Variants in ARL9 observed in about 807,000 individuals in gnomAD.
ARL9 encodes the protein ADP-ribosylation factor-like protein 9.
A neutral mutation model predicts 27.0 loss-of-function variants in ARL9; 14 were observed. The ratio of observed to expected loss-of-function variants is 0.52; its 90% CI spans 0.34 to 0.81. The LOEUF (loss-of-function observed/expected upper bound fraction) is 0.81. Among genes scored for constraint, ARL9 ranks in the 30% least tolerant of loss-of-function variants. The probability of loss-of-function intolerance (pLI) is 0.01; values close to 1 mark genes in which losing one functional copy is unlikely to be tolerated. For synonymous variants in ARL9, 106 were observed against 108.7 expected (o/e 0.98, Z 0.15); for missense variants, 294 against 290.0 (o/e 1.01, Z -0.10).
At chr4:56,520,648 G>A (rs1721892587) in intron 3 of ARL9, among the ~76,000 whole-genome samples, 1 of 151,902 alleles carries the variant, frequency 6.6e-6, no homozygotes, top group Non-Finnish European at 1.5e-5. Flanking sequence ...AATGGTTAAG[G>A]AGAAAAATTT....
In ARL9 at chr4:56,509,547, T is replaced by A. The variant is rs60152691; in HGVS notation, c.280-1638T>A. On this transcript the variant is annotated intron_variant, in intron 1 of 3. Coordinates refer to ENST00000640821, the MANE Select transcript of ARL9 (RefSeq NM_001363794.2). ...ACTTCAAGTTCATCAGTTTAGTTTT[T>A]TTTTTGAGACGTTGTCTTGCTCTGT... Among the ~76,000 whole-genome samples the A allele has an allele frequency of 2.2e-3, 335 of 151,888 alleles. 2 individuals carry two copies. The highest frequency in any genetic ancestry group is 7.9e-3 in the African/African-American group (327 of 41,414).
At chr4:56,509,078 G>C (rs1721548729) in intron 1 of ARL9, among the ~76,000 whole-genome samples, 1 of 152,094 alleles carries the variant, frequency 6.6e-6, no homozygotes, top group African/African-American at 2.4e-5. Flanking sequence ...TTACACCCTG[G>C]AAACCACCTT....
intron 1 of ARL9, among the ~76,000 whole-genome samples, chr4:56,507,098 A>T (rs1311991059): frequency 6.6e-6 from 1 of 151,088 alleles, no homozygotes; most frequent in African/African-American, 2.4e-5. Flanking sequence ...GGATTAACAG[A>T]GATTTGATCT....
rs1721836078 is a variant in ARL9 at position 56,518,735 on chromosome 4, T to G, written c.500T>G (p.Leu167Arg). 2 of 1,614,022 alleles carry G rather than the reference T, an allele frequency of 1.2e-6. No individual in the cohort carries two copies. The highest frequency in any genetic ancestry group is 1.7e-6 in the Non-Finnish European group (2 of 1,179,892). Residue 167 changes from leucine to arginine, a missense_variant, in exon 3 of 4, where the codon CTG (leucine) becomes CGG (arginine). Physicochemically the swap from Leu to Arg is moderately radical, Grantham distance 102 (BLOSUM62 -2). Transcript: ENST00000640821. ...GAAATGTACCTATCCAAGGGATTGC[T>G]GCTGATCTTTGTGGTGGATTCAGCA... is the stretch of plus-strand genomic sequence containing the variant. ...YWEMYLSKGLLLIFVVDSADH... is the reference protein window; with the variant it reads ...YWEMYLSKGLRLIFVVDSADH...
chr4:56,515,279 GA>G (rs1721739689), intron 2 of ARL9, among the ~76,000 whole-genome samples: 1 of 149,630 alleles, frequency 6.7e-6, no homozygotes, highest in African/African-American at 2.4e-5. Context: ...AAAAAAATTT[GA>G]AAAAAATATG....
chr4:56,517,845 AGAG>A (rs1187286717), intron 2 of ARL9, among the ~76,000 whole-genome samples: 3 of 152,198 alleles, frequency 2.0e-5, no homozygotes, highest in Admixed American at 1.3e-4. Context: ...TGCAATATTA[AGAG>A]GAGAAGTTAC....
intron 2 of ARL9, among the ~76,000 whole-genome samples, chr4:56,516,588 AAAAAAAAAAAAAAAG>A (rs1410326301): frequency 8.8e-6 from 1 of 113,130 alleles, no homozygotes; most frequent in African/African-American, 4.2e-5. Context: ...ATTAGGCAAA[AAAAAAAAAAAAAAAG>A]AAAAAGAAAA....
At chr4:56,505,693 G>A, upstream of ARL9, 1 of 1,151,798 alleles carries the variant, frequency 8.7e-7, no homozygotes, top group Non-Finnish European at 1.2e-6. Context: ...GCATCCGCGA[G>A]GTAAGCGGCG....
At position 56,518,785 on chromosome 4, in the gene ARL9, A is replaced by G. The variant is rs1721838638; in HGVS notation, c.550A>G (p.Lys184Glu). Residue 184 changes from lysine to glutamate, a missense_variant, in exon 3 of 4, where the codon AAG becomes GAG. Transcript: ENST00000640821. ...AGATCACAGCCGATTACCTGAAGCCAAGAAATACCTTCATCAGCTAATTGC... is the reference window on the plus strand; with the variant it reads ...AGATCACAGCCGATTACCTGAAGCCGAGAAATACCTTCATCAGCTAATTGC... ...SADHSRLPEA[K>E]KYLHQLIAAN... 1 of 1,614,060 alleles carries G rather than the reference A, an allele frequency of 6.2e-7. No homozygotes were observed. The highest frequency in any genetic ancestry group is 2.2e-5 in the East Asian group (1 of 44,888).
upstream of ARL9, chr4:56,505,557 G>C (rs867318507): frequency 5.2e-6 from 3 of 572,720 alleles, no homozygotes; most frequent in South Asian, 4.7e-5. Flanking sequence ...ATACCCCGCC[G>C]AACTGTCCCA....
Position 56,520,606 on chromosome 4 carries a change from T to C in ARL9, c.618+1753T>C, listed in dbSNP as rs79727363. On this transcript the variant is annotated intron_variant, in intron 3 of 3. Coordinates refer to ENST00000640821, the MANE Select transcript of ARL9 (RefSeq NM_001363794.2). Reference sequence around the variant, plus strand: ...GGTGATAGTTGTATAACAATGTAAATATACTTAATGCCACTGAACTGTACA... The same window carrying C: ...GGTGATAGTTGTATAACAATGTAAACATACTTAATGCCACTGAACTGTACA... 5.2e-3 allele frequency among the ~76,000 whole-genome samples: 786 copies of C among 152,266 alleles called. 4 individuals carry two copies. Among genetic ancestry groups the C allele is most frequent in the Middle Eastern group, 0.037 (11 of 294 alleles).
intron 3 of ARL9, 147 bp from the exon 4 acceptor site, chr4:56,523,550 C>G: frequency 3.3e-6 from 2 of 608,954 alleles, no homozygotes; most frequent in South Asian, 4.9e-5. Context: ...CAAACAACCT[C>G]TGGGCTCATA....
chr4:56,511,205 A>G lies in ARL9; in HGVS notation c.300A>G (p.Leu100=). ...CACAGGAGAAAAACAAGCAAATCCT[A>G]GTGCTGGGCCTGGATGGAGCAGGAA... ...LEPLEKNKQI[L]VLGLDGAGKT... is the part of the protein sequence containing the mutation. Residue 100 remains leucine, a synonymous_variant, in exon 2 of 4, where the codon CTA becomes CTG. Transcript: ENST00000640821. 4.4e-6 allele frequency: 7 copies of G among 1,600,174 alleles called. No individual in the cohort carries two copies. The highest frequency in any genetic ancestry group is 6.0e-6 in the Non-Finnish European group (7 of 1,173,364).
intron 1 of ARL9, among the ~76,000 whole-genome samples, chr4:56,508,517 G>T (rs1721532601): frequency 6.6e-6 from 1 of 152,078 alleles, no homozygotes; most frequent in Non-Finnish European, 1.5e-5. Flanking sequence ...CTCCCCAGTA[G>T]CTGGGATTAC....
chr4:56,507,965 CAAAA>C lies in ARL9; in HGVS notation c.279+1839_279+1842del, dbSNP rs202126461. ...CACTCCACAGAGAGAGATTCTGTAT[CAAAA>C]AAAAAAAAAAAAAATTCTCCCAATC... On this transcript the variant is annotated intron_variant, in intron 1 of 3. Transcript: ENST00000640821. 3.2e-3 allele frequency among the ~76,000 whole-genome samples: 390 copies of C among 123,032 alleles called. 2 individuals are homozygous for C. The highest frequency in any genetic ancestry group is 0.011 in the African/African-American group (371 of 35,178). The allele number at this position is 123,032 out of a possible 152,430, so 80.7% of individuals were successfully genotyped here.
chr4:56,518,581 C>A, intron 2 of ARL9, 97 bp from the exon 3 acceptor site: 1 of 1,037,474 alleles, frequency 9.6e-7, no homozygotes, highest in Non-Finnish European at 1.4e-6. Context: ...AACACCTGTC[C>A]TGTGTTCAGA....
At position 56,524,024 on chromosome 4, in the gene ARL9, T is replaced by A; in HGVS notation, c.*148T>A. On this transcript the variant is annotated 3_prime_UTR_variant, in exon 4 of 4. Coordinates refer to ENST00000640821, the MANE Select transcript of ARL9 (RefSeq NM_001363794.2). ...GGATGTATATAGTTAGCCCTCCATA[T>A]CCATGGGTTCCACATCTGGGGATTC... 1 of 594,604 alleles carries A rather than the reference T, an allele frequency of 1.7e-6. No homozygotes were observed. The highest frequency in any genetic ancestry group is 2.6e-6 in the Non-Finnish European group (1 of 382,564). The allele number at this position is 594,604 out of a possible 1,614,324, so 36.8% of individuals were successfully genotyped here.
At chr4:56,523,107 T>TG (rs946341657) in intron 3 of ARL9, among the ~76,000 whole-genome samples, 6 of 152,210 alleles carry the variant, frequency 3.9e-5, no homozygotes, top group Non-Finnish European at 7.3e-5. Flanking sequence ...AAAATTAGTC[T>TG]GGGTGCAGTG....
intron 1 of ARL9, chr4:56,506,587 G>A: frequency 1.0e-6 from 1 of 983,844 alleles, no homozygotes; most frequent in Non-Finnish European, 1.2e-6. Flanking sequence ...CTGAACGCAG[G>A]AGGTGTTTGG....
Sources: gnomAD v4.1 joint callset for allele counts (sites outside exome capture counted in the v4.1 genomes callset) on GRCh38, gnomAD v4.1.1 for gene constraint, MANE v1.5 for transcripts, NCBI Gene and HGNC (gene_info 2026-07-23, HGNC 2026-07-21) for gene names.